Variants in DDX10 observed in about 807,000 individuals in gnomAD.
The protein encoded by DDX10 is probable ATP-dependent RNA helicase DDX10.
DDX10 carries 74 observed loss-of-function variants against 104.3 expected under a neutral mutation model. The observed-to-expected ratio is 0.71, with a 90% CI of 0.59 to 0.86. The LOEUF (loss-of-function observed/expected upper bound fraction) is 0.86, where lower values mean the gene tolerates loss of function less well. Ranked by LOEUF, DDX10 falls within the 40% of genes least tolerant of loss-of-function variation. The probability of loss-of-function intolerance (pLI) is 0.00; values close to 1 mark genes in which losing one functional copy is unlikely to be tolerated. For synonymous variants in DDX10, 351 were observed against 353.4 expected, an observed-to-expected ratio of 0.99 and a Z score of 0.08; for missense variants, 952 against 1,040.0, an observed-to-expected ratio of 0.92 and a Z score of 1.16.
chr11:108,737,746 C>T (rs1438029044), intron 13 of DDX10, among the ~76,000 whole-genome samples: 3 of 152,148 alleles, frequency 2.0e-5, no homozygotes, highest in Admixed American at 6.6e-5. Flanking sequence ...CTCTCTCCAC[C>T]TCTTTCATTG....
At chr11:108,693,333 G>T (rs182860416) in intron 8 of DDX10, among the ~76,000 whole-genome samples, 183 bp from the exon 9 acceptor site, 37 of 152,230 alleles carry the variant, frequency 2.4e-4, no homozygotes, top group Non-Finnish European at 4.6e-4. Flanking sequence ...AGTTCATTTT[G>T]TCAAGAGAAA....
intron 16 of DDX10, among the ~76,000 whole-genome samples, chr11:108,901,267 C>T (rs1439945780): frequency 1.3e-5 from 2 of 152,192 alleles, no homozygotes; most frequent in Non-Finnish European, 2.9e-5. Flanking sequence ...GTACATCATG[C>T]ATAGTAAGCA....
chr11:108,705,957 A>G (rs2094275222), intron 9 of DDX10, among the ~76,000 whole-genome samples: 1 of 152,038 alleles, frequency 6.6e-6, no homozygotes, highest in African/African-American at 2.4e-5. Context: ...CAAGCATTTT[A>G]CTTGAACAGT....
chr11:108,758,316 G>C (rs1232656781), intron 13 of DDX10, among the ~76,000 whole-genome samples: 3 of 152,034 alleles, frequency 2.0e-5, no homozygotes, highest in South Asian at 2.1e-4. Context: ...ATCTGAAGTA[G>C]CTCACAGGAA....
Position 108,723,052 on chromosome 11 carries a change from C to T in DDX10, c.1555C>T (p.Gln519Ter). The T allele has an allele frequency of 1.9e-6, 3 of 1,613,052 alleles. No homozygotes were observed. Among genetic ancestry groups the T allele is most frequent in the Admixed American group, 1.7e-5 (1 of 59,766 alleles). Residue 519 changes from glutamine (Q) to a stop codon, truncating the protein, a stop_gained, in exon 13 of 18, where the codon CAA (glutamine) becomes TAA (stop). Coordinates refer to ENST00000322536, the MANE Select transcript of DDX10 (RefSeq NM_004398.4). LOFTEE classifies it high-confidence loss of function. The part of the protein sequence containing the change: ...RVRFLQKMQK[Q>*]PTKELVRSQA... ...AAGATTTCTTCAGAAAATGCAGAAA[C>T]AACCCACCAAAGAATTGGTAAGGAG...
chr11:108,679,093 GT>G (rs2094230722), intron 5 of DDX10, among the ~76,000 whole-genome samples: 1 of 151,944 alleles, frequency 6.6e-6, no homozygotes, highest in Non-Finnish European at 1.5e-5. Flanking sequence ...TCTTGACCTT[GT>G]GATCTGCCCA....
chr11:108,703,450 C>G (rs2094271417), intron 9 of DDX10, among the ~76,000 whole-genome samples: 1 of 151,964 alleles, frequency 6.6e-6, no homozygotes, highest in South Asian at 2.1e-4. Context: ...CTGCCTTGGC[C>G]TCTCGAGTAG....
chr11:108,766,961 C>G (rs1411336748), intron 13 of DDX10, among the ~76,000 whole-genome samples: 1 of 152,098 alleles, frequency 6.6e-6, no homozygotes, highest in African/African-American at 2.4e-5. Context: ...TTTGAGAACC[C>G]TTTTATTACG....
In DDX10 at chr11:108,764,205, A is replaced by G. The variant is rs149959721; in HGVS notation, c.1965+40743A>G. On this transcript the variant is annotated intron_variant, in intron 13 of 17. Coordinates refer to ENST00000322536, the MANE Select transcript of DDX10 (RefSeq NM_004398.4). ...TTGCATGTAATCGTTAAAACATTTC[A>G]TAAAAGGAATGTAACATCTTCCAGT... 2.1e-3 allele frequency among the ~76,000 whole-genome samples: 320 copies of G among 152,322 alleles called. 2 individuals carry two copies. The highest frequency in any genetic ancestry group is 7.3e-3 in the African/African-American group (303 of 41,566).
intron 9 of DDX10, among the ~76,000 whole-genome samples, chr11:108,706,363 T>TA (rs1173712693): frequency 2.7e-5 from 4 of 149,188 alleles, no homozygotes; most frequent in African/African-American, 9.7e-5. Flanking sequence ...GATTTTTTTT[T>TA]AAAAAAAGTA....
intron 16 of DDX10, among the ~76,000 whole-genome samples, chr11:108,909,507 G>T (rs1296781817): frequency 1.3e-5 from 2 of 151,618 alleles, no homozygotes; most frequent in South Asian, 4.2e-4. Flanking sequence ...CTTGTCCTGT[G>T]CCTCTTCCTC....
At chr11:108,898,154 G>A (rs1863465581) in intron 16 of DDX10, among the ~76,000 whole-genome samples, 1 of 152,126 alleles carries the variant, frequency 6.6e-6, no homozygotes, top group South Asian at 2.1e-4. Flanking sequence ...GCCCATCACA[G>A]ACCCATTAAT....
intron 13 of DDX10, among the ~76,000 whole-genome samples, chr11:108,824,742 T>C (rs1203265069): frequency 6.6e-6 from 1 of 152,238 alleles, no homozygotes; most frequent in South Asian, 2.1e-4. Flanking sequence ...TTCATAATTT[T>C]GTTAAACAGC....
At chr11:108,863,698 A>G (rs1391046637) in intron 16 of DDX10, among the ~76,000 whole-genome samples, 1 of 152,120 alleles carries the variant, frequency 6.6e-6, no homozygotes, top group Non-Finnish European at 1.5e-5. Flanking sequence ...ATCCAACCCT[A>G]AGATTTTTGC....
intron 13 of DDX10, among the ~76,000 whole-genome samples, chr11:108,743,175 T>G (rs1237840691): frequency 1.3e-5 from 2 of 152,108 alleles, no homozygotes; most frequent in Admixed American, 6.6e-5. Flanking sequence ...CAAAAGCAGA[T>G]CTGCCACAAT....
intron 13 of DDX10, among the ~76,000 whole-genome samples, chr11:108,772,168 T>TA (rs1396060065): frequency 3.3e-5 from 5 of 152,194 alleles, no homozygotes; most frequent in Admixed American, 6.5e-5. Flanking sequence ...CACAAAATAT[T>TA]AAAAAGACTA....
chr11:108,825,476 C>T (rs1001898686), intron 13 of DDX10, among the ~76,000 whole-genome samples: 2 of 152,096 alleles, frequency 1.3e-5, no homozygotes, highest in South Asian at 2.1e-4. Flanking sequence ...GTAGAATGTT[C>T]GTATTGGCAG....
At chr11:108,937,131 A>G (rs1252156052) in intron 17 of DDX10, among the ~76,000 whole-genome samples, 1 of 152,174 alleles carries the variant, frequency 6.6e-6, no homozygotes, top group East Asian at 1.9e-4. Flanking sequence ...GACCCAGAAG[A>G]GGGAGGTGCC....
intron 13 of DDX10, among the ~76,000 whole-genome samples, chr11:108,786,953 G>T (rs1385957470): frequency 6.6e-6 from 1 of 152,124 alleles, no homozygotes; most frequent in Non-Finnish European, 1.5e-5. Context: ...GAGCTATTGT[G>T]CTTGAGTGTG....
Sources: gnomAD v4.1 joint callset for allele counts (sites outside exome capture counted in the v4.1 genomes callset) on GRCh38, gnomAD v4.1.1 for gene constraint, MANE v1.5 for transcripts, NCBI Gene and HGNC (gene_info 2026-07-23, HGNC 2026-07-21) for gene names.